SVEP1: variants seen among roughly 807,000 people sequenced by gnomAD.
The protein encoded by SVEP1 is sushi, von Willebrand factor type A, EGF and pentraxin domain-containing protein 1.
A neutral mutation model predicts 367.3 loss-of-function variants in SVEP1; 164 were observed. That is an observed-to-expected ratio of 0.45 (90% CI 0.39 to 0.51). The LOEUF (loss-of-function observed/expected upper bound fraction) is 0.51. Ranked by LOEUF, SVEP1 falls within the 20% of genes least tolerant of loss-of-function variation. The pLI, the probability that SVEP1 is intolerant of heterozygous loss-of-function variation, is 0.00. For synonymous variants in SVEP1, 1,666 were observed against 1,611.6 expected (o/e 1.03, Z -0.81); for missense variants, 4,117 against 4,425.3 (o/e 0.93, Z 1.98).
chr9:110,468,797 G>T, intron 17 of SVEP1, 143 bp downstream of exon 17: 1 of 742,340 alleles, frequency 1.3e-6, no homozygotes. Context: ...AAATGTGTAT[G>T]CTTTTCTCTT....
intron 14 of SVEP1, among the ~76,000 whole-genome samples, chr9:110,473,261 TAAAC>T (rs1413005046): frequency 6.6e-6 from 1 of 152,178 alleles, no homozygotes; most frequent in Non-Finnish European, 1.5e-5. Flanking sequence ...TCTTTTTACT[TAAAC>T]ATTTTCTCCA....
Position 110,417,413 on chromosome 9 carries a change from TAAGA to T in SVEP1, c.5976-5682_5976-5679del, listed in dbSNP as rs1172063378. On this transcript the variant is annotated intron_variant, in intron 36 of 47. Transcript: ENST00000374469. Reference sequence around the variant, plus strand: ...GAATATTGCGCTTTTCAGACCGGCTTAAGAAACGGCGCACCACGAGACTATATCC... The same window carrying T: ...GAATATTGCGCTTTTCAGACCGGCTTAACGGCGCACCACGAGACTATATCC... Among the ~76,000 whole-genome samples, 2 of 62,058 alleles carry T rather than the reference TAAGA, an allele frequency of 3.2e-5. 1 individual carries two copies. The highest frequency in any genetic ancestry group is 9.7e-3 in the Middle Eastern group (2 of 206). The allele number at this position is 62,058 out of a possible 152,430, so 40.7% of individuals were successfully genotyped here. A position where few individuals can be genotyped will look rare whatever the true frequency, so the allele number is the denominator to read the frequency against.
intron 35 of SVEP1, 48 bp downstream of exon 35, chr9:110,429,095 G>A (rs768155062): frequency 8.6e-6 from 12 of 1,394,020 alleles, no homozygotes; most frequent in African/African-American, 1.5e-5. Context: ...AATAGGGAGC[G>A]AGTAACACAG....
At chr9:110,396,044 A>T (rs957382123) in intron 40 of SVEP1, among the ~76,000 whole-genome samples, 2 of 152,214 alleles carry the variant, frequency 1.3e-5, no homozygotes, top group Non-Finnish European at 2.9e-5. Context: ...AATCAACAGA[A>T]TATACATTCT....
Position 110,407,932 on chromosome 9 carries a change from A to G in SVEP1, c.7668T>C (p.Cys2556=). The change falls in exon 38 of 48, where the codon TGT becomes TGC. Residue 2556 remains cysteine (C), a synonymous_variant. Coordinates refer to ENST00000374469, the MANE Select transcript of SVEP1 (RefSeq NM_153366.4). ...VDAPSCNAIH[C]DSPQPIENGF... is the part of the protein sequence containing the mutation. Reference sequence around the variant, plus strand: ...CATTTTCAATGGGTTGTGGGGAATCACAGTGGATGGCATTGCAAGATGGGG... The same window carrying G: ...CATTTTCAATGGGTTGTGGGGAATCGCAGTGGATGGCATTGCAAGATGGGG... 6.2e-7 allele frequency: 1 copy of G among 1,613,990 alleles called. No individual in the cohort carries two copies. The highest frequency in any genetic ancestry group is 8.5e-7 in the Non-Finnish European group (1 of 1,179,894).
intron 3 of SVEP1, among the ~76,000 whole-genome samples, chr9:110,541,959 G>C (rs969584122): frequency 6.7e-6 from 1 of 149,116 alleles, no homozygotes; most frequent in Non-Finnish European, 1.5e-5. Flanking sequence ...TATGTACATA[G>C]ACATGCATAT....
At chr9:110,413,796 G>A (rs927889099) in intron 36 of SVEP1, among the ~76,000 whole-genome samples, 1 of 151,930 alleles carries the variant, frequency 6.6e-6, no homozygotes, top group Non-Finnish European at 1.5e-5. Flanking sequence ...ATCTCTTACT[G>A]AACAGAAAAT....
At chr9:110,385,028 A>G (rs62571871) in intron 43 of SVEP1, among the ~76,000 whole-genome samples, 1 of 152,028 alleles carries the variant, frequency 6.6e-6, no homozygotes, top group Non-Finnish European at 1.5e-5. Flanking sequence ...CCCAGGCTGG[A>G]GTGCAGCAGT....
rs540614495 is a variant in SVEP1 at position 110,443,672 on chromosome 9, C to T, written c.4512G>A (p.Ser1504=). Residue 1504 remains serine, a synonymous_variant, in exon 27 of 48, where the codon TCG becomes TCA. Transcript: ENST00000374469. ...NGREKITNCP[S]VNDGRWHHIA... ...TATGATGCCATCTGCCATCATTCAC[C>T]GAGGGACAGTTTGTTATCTTTTCCC... 6.0e-5 allele frequency: 97 copies of T among 1,610,800 alleles called. No homozygotes were observed. In the South Asian group the frequency reaches 7.4e-4, roughly 12 times the overall value.
intron 1 of SVEP1, among the ~76,000 whole-genome samples, chr9:110,574,781 T>C (rs559235115): frequency 7.6e-6 from 1 of 131,300 alleles, no homozygotes; most frequent in African/African-American, 2.8e-5. Flanking sequence ...AGTCTCACTC[T>C]GTCACCCAGG....
At chr9:110,524,726 T>C (rs986795352) in intron 3 of SVEP1, among the ~76,000 whole-genome samples, 2 of 136,812 alleles carry the variant, frequency 1.5e-5, no homozygotes, top group African/African-American at 5.1e-5. Flanking sequence ...ACTTTTTTTT[T>C]TTTTAAGCAG....
intron 39 of SVEP1, among the ~76,000 whole-genome samples, chr9:110,401,546 T>TAA (rs1234158623): frequency 1.3e-5 from 2 of 149,498 alleles, no homozygotes; most frequent in African/African-American, 4.9e-5. Flanking sequence ...TATATATATA[T>TAA]AATTTTGTAT....
chr9:110,502,656 C>G (rs527391075), intron 6 of SVEP1, among the ~76,000 whole-genome samples: 1 of 152,074 alleles, frequency 6.6e-6, no homozygotes, highest in Non-Finnish European at 1.5e-5. Flanking sequence ...TTAAGATTCA[C>G]TGGTTCCTAA....
intron 4 of SVEP1, 69 bp downstream of exon 4, chr9:110,513,879 A>G: frequency 6.7e-7 from 1 of 1,493,482 alleles, no homozygotes; most frequent in Non-Finnish European, 9.0e-7. Flanking sequence ...TTAGGTGCAA[A>G]CACAAGCACT....
intron 3 of SVEP1, among the ~76,000 whole-genome samples, chr9:110,531,993 G>A (rs938507801): frequency 6.6e-6 from 1 of 152,080 alleles, no homozygotes; most frequent in Non-Finnish European, 1.5e-5. Context: ...GTGCTTCCCA[G>A]GGTCAGTAGA....
chr9:110,430,807 T>C (rs1473748797), intron 32 of SVEP1, among the ~76,000 whole-genome samples: 1 of 152,204 alleles, frequency 6.6e-6, no homozygotes, highest in African/African-American at 2.4e-5. Flanking sequence ...TCAGAGCAAC[T>C]GACTTGGTGT....
In SVEP1 at chr9:110,369,940, C is replaced by T. The variant is rs767098051; in HGVS notation, c.10677G>A (p.Thr3559=). ...PNRCHCLSSW[T]GHNCSRKRRT... is the part of the protein sequence containing the mutation. Reference sequence around the variant, plus strand: ...TATCTTACCTGGAACAGTTATGTCCCGTCCAAGAAGAAAGACAGTGACATC... The same window carrying T: ...TATCTTACCTGGAACAGTTATGTCCTGTCCAAGAAGAAAGACAGTGACATC... The change falls in exon 47 of 48, where the codon ACG becomes ACA. Residue 3559 remains threonine (T), a synonymous_variant. Coordinates refer to ENST00000374469, the MANE Select transcript of SVEP1 (RefSeq NM_153366.4). The T allele has an allele frequency of 8.7e-6, 14 of 1,612,802 alleles. No homozygotes were observed. Among genetic ancestry groups the T allele is most frequent in the East Asian group, 4.5e-5 (2 of 44,854 alleles).
At chr9:110,367,518 A>G (rs1464713515) in intron 47 of SVEP1, among the ~76,000 whole-genome samples, 1 of 152,188 alleles carries the variant, frequency 6.6e-6, no homozygotes, top group Admixed American at 6.5e-5. Context: ...GGAAAAACTT[A>G]TACGGTAACA....
rs145047684 is a variant in SVEP1 at position 110,398,615 on chromosome 9, G to T, written c.9822+2239C>A. On this transcript the variant is annotated intron_variant, in intron 40 of 47. Transcript: ENST00000374469. The stretch of plus-strand genomic sequence containing the variant: ...TCATCTGACAAAGGGCTAATACCCA[G>T]AATCTACAATGAACACAAACAAATT... Among the ~76,000 whole-genome samples, 1,353 of 152,212 alleles carry T rather than the reference G, an allele frequency of 8.9e-3. 15 individuals carry two copies. Among genetic ancestry groups the T allele is most frequent in the Non-Finnish European group, 0.015 (1,045 of 68,004 alleles).
Sources: gnomAD v4.1 joint callset for allele counts (sites outside exome capture counted in the v4.1 genomes callset) on GRCh38, gnomAD v4.1.1 for gene constraint, MANE v1.5 for transcripts, NCBI Gene and HGNC (gene_info 2026-07-23, HGNC 2026-07-21) for gene names.